Variants in ARPP21 observed in about 807,000 individuals in gnomAD.
ARPP21 encodes cAMP-regulated phosphoprotein 21.
ARPP21 carries 69 observed loss-of-function variants against 113.2 expected under a neutral mutation model. The observed-to-expected ratio is 0.61, with a 90% CI of 0.50 to 0.74. The LOEUF (loss-of-function observed/expected upper bound fraction) is 0.74. ARPP21 is among the 30% of genes least tolerant of loss of function. ARPP21 has a pLI of 0.00. For synonymous variants in ARPP21, 368 were observed against 375.5 expected (o/e 0.98, Z 0.23); for missense variants, 1,070 against 1,037.4 (o/e 1.03, Z -0.43).
At position 35,707,080 on chromosome 3, in the gene ARPP21, C is replaced by T; in HGVS notation, c.793C>T (p.Gln265Ter). 6.2e-7 allele frequency: 1 copy of T among 1,610,042 alleles called. No individual in the cohort carries two copies. The highest frequency in any genetic ancestry group is 8.5e-7 in the Non-Finnish European group (1 of 1,177,598). ...DNSSIDKEDNQQNRMHPFRDD... is the reference protein window; with the variant it reads ...DNSSIDKEDN ...CTCTAGTATTGATAAAGAAGACAAT[C>T]AGGTTGGTTCTCAAGTTTGAGAGTG... Residue 265 changes from glutamine (Q) to a stop codon, truncating the protein, a stop_gained and splice_region_variant, in exon 10 of 21, where the codon CAG (glutamine) becomes TAG (stop). Transcript: ENST00000684406. LOFTEE classifies it high-confidence loss of function.
At chr3:35,721,298 G>T (rs1020903713) in intron 13 of ARPP21, among the ~76,000 whole-genome samples, 22 of 152,296 alleles carry the variant, frequency 1.4e-4, no homozygotes, top group African/African-American at 5.1e-4. Context: ...CTATTTGCAA[G>T]AGAAATTAAC....
At chr3:35,721,556 A>AT in intron 13 of ARPP21, 49 bp from the exon 14 acceptor site, 1 of 1,063,734 alleles carries the variant, frequency 9.4e-7, no homozygotes, top group Non-Finnish European at 1.5e-6. Flanking sequence ...AACACCATGC[A>AT]TGTAAGGTAA....
intron 1 of ARPP21, among the ~76,000 whole-genome samples, chr3:35,659,437 T>G (rs930347596): frequency 6.6e-6 from 1 of 152,192 alleles, no homozygotes; most frequent in African/African-American, 2.4e-5. Context: ...AAGACATTTA[T>G]AGAAGACATT....
intron 1 of ARPP21, among the ~76,000 whole-genome samples, chr3:35,668,033 G>GAAGAAAA (rs2075332955): frequency 9.1e-6 from 1 of 110,026 alleles, no homozygotes; most frequent in African/African-American, 3.7e-5. Flanking sequence ...GAAGAAGAAG[G>GAAGAAAA]AGAAGAAGAA....
chr3:35,733,746 C>A (rs2094156020), intron 15 of ARPP21, among the ~76,000 whole-genome samples: 1 of 152,168 alleles, frequency 6.6e-6, no homozygotes, highest in African/African-American at 2.4e-5. Context: ...TTTCTCAGTT[C>A]TTTCCATCTC....
At chr3:35,726,074 G>T (rs2093511131) in intron 14 of ARPP21, among the ~76,000 whole-genome samples, 1 of 152,180 alleles carries the variant, frequency 6.6e-6, no homozygotes, top group Non-Finnish European at 1.5e-5. Flanking sequence ...TTCAAAATGA[G>T]GCTGCTGTAA....
chr3:35,649,978 G>A (rs1701760381), intron 1 of ARPP21, among the ~76,000 whole-genome samples: 1 of 152,028 alleles, frequency 6.6e-6, no homozygotes, highest in African/African-American at 2.4e-5. Context: ...GTGTAATGTT[G>A]ATGGAATGAA....
chr3:35,685,297 G>T, intron 5 of ARPP21: 1 of 985,300 alleles, frequency 1.0e-6, no homozygotes, highest in Non-Finnish European at 1.2e-6. Flanking sequence ...CTTTGTTCCT[G>T]CTGGTTCCAA....
chr3:35,782,255 C>T (rs1318213201), intron 19 of ARPP21, among the ~76,000 whole-genome samples: 1 of 152,122 alleles, frequency 6.6e-6, no homozygotes, highest in African/African-American at 2.4e-5. Context: ...TCAACCGATC[C>T]TGTCAATTAA....
chr3:35,743,247 G>A (rs1202882144), intron 18 of ARPP21, among the ~76,000 whole-genome samples: 1 of 152,186 alleles, frequency 6.6e-6, no homozygotes, highest in Non-Finnish European at 1.5e-5. Context: ...TATTTAAAAT[G>A]TAGGTTTTCG....
intron 19 of ARPP21, among the ~76,000 whole-genome samples, chr3:35,744,225 C>T (rs2094864884): frequency 6.6e-6 from 1 of 152,220 alleles, no homozygotes; most frequent in South Asian, 2.1e-4. Context: ...TCTGTTAAAG[C>T]AGAAAGTCAA....
chr3:35,659,149 C>T (rs760171942), intron 1 of ARPP21, among the ~76,000 whole-genome samples: 3 of 152,068 alleles, frequency 2.0e-5, no homozygotes, highest in African/African-American at 4.8e-5. Context: ...TATGAAAACA[C>T]GATGTCATCT....
intron 6 of ARPP21, among the ~76,000 whole-genome samples, chr3:35,688,094 G>A (rs1316140152): frequency 6.6e-6 from 1 of 151,428 alleles, no homozygotes; most frequent in African/African-American, 2.4e-5. Context: ...GTTATTTTTA[G>A]GATCACATAT....
intron 19 of ARPP21, among the ~76,000 whole-genome samples, chr3:35,772,367 A>T (rs546904228): frequency 6.6e-6 from 1 of 152,326 alleles, no homozygotes; most frequent in African/African-American, 2.4e-5. Flanking sequence ...TCTTAAACAG[A>T]TCCAGTTTAG....
intron 1 of ARPP21, among the ~76,000 whole-genome samples, chr3:35,677,287 C>G (rs2077755622): frequency 6.6e-6 from 1 of 151,860 alleles, no homozygotes; most frequent in East Asian, 1.9e-4. Flanking sequence ...CACACACACA[C>G]AGACACACAC....
In ARPP21 at chr3:35,757,189, G is replaced by A. The variant is rs2095603028; in HGVS notation, c.2137+13224G>A. ...TAAGCCTCCTACCTTAGCCTGAGTA[G>A]CTGGGATTACAAGCACCCGCCACCA... On this transcript the variant is annotated intron_variant, in intron 19 of 20. Transcript: ENST00000684406. 2.7e-5 allele frequency among the ~76,000 whole-genome samples: 4 copies of A among 150,410 alleles called. No homozygotes were observed. In the South Asian group the frequency reaches 8.4e-4, roughly 31 times the overall value.
Position 35,690,151 on chromosome 3 carries a change from C to A in ARPP21, c.545+11C>A. 2 of 1,340,092 alleles carry A rather than the reference C, an allele frequency of 1.5e-6. No homozygotes were observed. Among genetic ancestry groups the A allele is most frequent in the Non-Finnish European group, 2.1e-6 (2 of 931,944 alleles). 83.0% of individuals were successfully genotyped at this position (1,340,092 alleles called of 1,614,324 possible). A position where few individuals can be genotyped will look rare whatever the true frequency, so the allele number is the denominator to read the frequency against. ...CATTGCTGACAACAAGTATGTTAAA[C>A]TTCAATGCTGGTTAATTTGATCATG... On this transcript the variant is annotated intron_variant, in intron 8 of 20. Coordinates refer to ENST00000684406, the MANE Select transcript of ARPP21 (RefSeq NM_001385562.1).
At position 35,743,890 on chromosome 3, in the gene ARPP21, C is replaced by G. The variant is rs758949947; in HGVS notation, c.2062C>G (p.Gln688Glu). The change falls in exon 19 of 21, where the codon CAG becomes GAG. Residue 688 changes from glutamine to glutamate, a missense_variant. Coordinates refer to ENST00000684406, the MANE Select transcript of ARPP21 (RefSeq NM_001385562.1). ...SGQYPTSTTQ[Q>E]YRPMAPVQYN... Reference sequence around the variant, plus strand: ...TCAGTACCCTACCTCAACCACGCAACAGTACCGGCCCATGGCCCCGGTTCA... The same window carrying G: ...TCAGTACCCTACCTCAACCACGCAAGAGTACCGGCCCATGGCCCCGGTTCA... 3.7e-6 allele frequency: 6 copies of G among 1,614,002 alleles called. No homozygotes were observed. The highest frequency in any genetic ancestry group is 3.3e-4 in the Middle Eastern group (2 of 6,084).
chr3:35,682,818 ATTTTG>A (rs965208358), intron 3 of ARPP21, 25 bp from the exon 4 acceptor site: 3 of 1,584,700 alleles, frequency 1.9e-6, no homozygotes, highest in African/African-American at 1.4e-5. Flanking sequence ...GTTTTATTTT[ATTTTG>A]TTTTATTTTC....
Sources: allele counts gnomAD v4.1 joint callset (sites outside exome capture counted in the v4.1 genomes callset), GRCh38; gene constraint gnomAD v4.1.1; transcripts MANE v1.5; gene names NCBI Gene and HGNC (gene_info 2026-07-23, HGNC 2026-07-21).